The following SSH2 variants were observed in gnomAD, a reference collection of about 807,000 sequenced individuals.
The protein encoded by SSH2 is protein phosphatase Slingshot homolog 2.
A neutral mutation model predicts 135.2 loss-of-function variants in SSH2; 37 were observed. The observed-to-expected ratio is 0.27, with a 90% CI of 0.21 to 0.36. The LOEUF is 0.36. Among genes scored for constraint, SSH2 ranks in the 10% least tolerant of loss-of-function variants. The pLI, the probability that SSH2 is intolerant of heterozygous loss-of-function variation, is 1.00. For missense variants in SSH2, 1,408 were observed against 1,765.3 expected (o/e 0.80, Z 3.63); for synonymous variants, 628 against 646.2 (o/e 0.97, Z 0.43).
chr17:29,745,328 T>G (rs1468802262), intron 3 of SSH2, among the ~76,000 whole-genome samples: 1 of 151,966 alleles, frequency 6.6e-6, no homozygotes, highest in Non-Finnish European at 1.5e-5. Context: ...CCCGGCTAAT[T>G]TTTGTATTTT....
In SSH2 at chr17:29,650,743, A is replaced by T; in HGVS notation, c.1137T>A (p.Phe379Leu). The change falls in exon 13 of 16, where the codon TTT (phenylalanine) becomes TTA (leucine). Residue 379 changes from phenylalanine to leucine, a missense_variant. By Grantham distance (22) the Phe-to-Leu change is conservative. Transcript: ENST00000540801. ...CATATACCCGAATGTTATGATACTC[A>T]AAGACTCCTGGGAAGAAGTTATCTA... Reference protein sequence around the residue: ...REIDNFFPGVFEYHNIRVYDE... With the variant: ...REIDNFFPGVLEYHNIRVYDE... 1 of 1,613,994 alleles carries T rather than the reference A, an allele frequency of 6.2e-7. No individual in the cohort carries two copies. Among genetic ancestry groups the T allele is most frequent in the Non-Finnish European group, 8.5e-7 (1 of 1,179,928 alleles).
In SSH2 at chr17:29,716,090, G is replaced by A. The variant is rs117383549; in HGVS notation, c.189-13028C>T. On this transcript the variant is annotated intron_variant, in intron 3 of 15. Coordinates refer to ENST00000540801, the MANE Select transcript of SSH2 (RefSeq NM_001282129.2). The stretch of plus-strand genomic sequence containing the variant: ...GACTTATCTCCTTTCTCCAATCTGA[G>A]AGAATGATGTGACCTATGTCCTTGG... 9.4e-4 allele frequency among the ~76,000 whole-genome samples: 143 copies of A among 152,202 alleles called. 3 individuals are homozygous for A. In the East Asian group the frequency reaches 0.022, roughly 23 times the overall value.
chr17:29,913,347 A>AAAAATTATATATAT lies in SSH2; in HGVS notation c.63+16590_63+16591insATATATATAATTTT. Among the ~76,000 whole-genome samples the AAAAATTATATATAT allele has an allele frequency of 5.2e-4, 15 of 28,786 alleles. 1 individual carries two copies. The highest frequency in any genetic ancestry group is 2.2e-3 in the East Asian group (1 of 450). The allele number at this position is 28,786 out of a possible 152,430, so 18.9% of individuals were successfully genotyped here. A position where few individuals can be genotyped will look rare whatever the true frequency, so the allele number is the denominator to read the frequency against. ...AAAAAAAAAAAAAAAAAAAAAAAAA[A>AAAAATTATATATAT]ATATATATATATATATATATATATA... On this transcript the variant is annotated intron_variant, in intron 1 of 15. Transcript: ENST00000540801.
At chr17:29,820,031 A>G (rs2042625823) in intron 2 of SSH2, among the ~76,000 whole-genome samples, 1 of 152,194 alleles carries the variant, frequency 6.6e-6, no homozygotes, top group African/African-American at 2.4e-5. Context: ...TCTACTTTTT[A>G]AATTCTAAAT....
At chr17:29,761,001 C>A (rs1367659644) in intron 3 of SSH2, 3 of 756,004 alleles carry the variant, frequency 4.0e-6, no homozygotes, top group Non-Finnish European at 5.7e-6. Context: ...CAGCATCCTT[C>A]CCTCCAGACG....
intron 14 of SSH2, among the ~76,000 whole-genome samples, chr17:29,642,201 G>A (rs2036190927): frequency 6.6e-6 from 1 of 152,042 alleles, no homozygotes; most frequent in Non-Finnish European, 1.5e-5. Context: ...GTTGCCTACT[G>A]CCAGCTGACC....
intron 4 of SSH2, among the ~76,000 whole-genome samples, chr17:29,697,448 G>A (rs926354038): frequency 6.6e-6 from 1 of 152,118 alleles, no homozygotes; most frequent in Non-Finnish European, 1.5e-5. Context: ...GTTGGCAAAC[G>A]GGTTGGTGCG....
chr17:29,796,321 T>C (rs1033698030), intron 2 of SSH2, among the ~76,000 whole-genome samples: 2 of 152,180 alleles, frequency 1.3e-5, no homozygotes, highest in African/African-American at 4.8e-5. Context: ...ATATCTACCA[T>C]CTAGATTGTA....
intron 3 of SSH2, among the ~76,000 whole-genome samples, chr17:29,708,755 T>C (rs1048554462): frequency 6.6e-6 from 1 of 151,502 alleles, no homozygotes; most frequent in African/African-American, 2.4e-5. Flanking sequence ...CTAAGTTAAA[T>C]ATAACCCCGA....
chr17:29,641,593 A>C (rs2036162734), intron 14 of SSH2: 1 of 152,218 alleles, frequency 6.6e-6, no homozygotes, highest in African/African-American at 2.4e-5. Flanking sequence ...AACAAGAGGA[A>C]ATTTTATTTT....
At position 29,719,761 on chromosome 17, in the gene SSH2, T is replaced by A. The variant is rs1455089962; in HGVS notation, c.189-16699A>T. Among the ~76,000 whole-genome samples, 3 of 152,286 alleles carry A rather than the reference T, an allele frequency of 2.0e-5. No homozygotes were observed. In the East Asian group the frequency reaches 5.8e-4, roughly 29 times the overall value. On this transcript the variant is annotated intron_variant, in intron 3 of 15. Coordinates refer to ENST00000540801, the MANE Select transcript of SSH2 (RefSeq NM_001282129.2). Reference sequence around the variant, plus strand: ...GAGTCAAAATGTAGGCTTCTTTTCTTTTCTTCTTTTTTGAGACAGAGTTTT... The same window carrying A: ...GAGTCAAAATGTAGGCTTCTTTTCTATTCTTCTTTTTTGAGACAGAGTTTT...
chr17:29,761,883 A>AT lies in SSH2; in HGVS notation c.188+32010dup, dbSNP rs1345354010. ...TGTGTGTGTGTGTGTATATATATAT[A>AT]TATATTTTTTTTTGAGATGGAGTTT... On this transcript the variant is annotated intron_variant, in intron 3 of 15. Transcript: ENST00000540801. Among the ~76,000 whole-genome samples, 407 of 129,152 alleles carry AT rather than the reference A, an allele frequency of 3.2e-3. 5 individuals are homozygous for AT. The highest frequency in any genetic ancestry group is 7.0e-3 in the African/African-American group (235 of 33,476). The allele number at this position is 129,152 out of a possible 152,430, so 84.7% of individuals were successfully genotyped here.
Position 29,632,263 on chromosome 17 carries a change from C to G in SSH2, c.2931G>C (p.Gln977His). ...CCCTGGGAGCTGGAACAGTGGCATT[C>G]TGCTCAGAATGGGACAGTGAGCCAG... ...SEAGSLSHSE[Q>H]NATVPAPRVL... The change falls in exon 16 of 16, where the codon CAG (glutamine) becomes CAC (histidine). Residue 977 changes from glutamine (Q) to histidine (H), a missense_variant. Gln to His is a conservative substitution (Grantham distance 24). This residue lies in a region of SSH2 where 1,080 missense variants were observed against 1,144.5 expected (regional missense o/e 0.94). Transcript: ENST00000540801. The G allele has an allele frequency of 2.5e-6, 4 of 1,614,130 alleles. No individual in the cohort carries two copies. The highest frequency in any genetic ancestry group is 2.5e-6 in the Non-Finnish European group (3 of 1,180,008).
intron 3 of SSH2, among the ~76,000 whole-genome samples, chr17:29,705,107 T>C (rs1273208474): frequency 6.6e-6 from 1 of 152,192 alleles, no homozygotes; most frequent in Non-Finnish European, 1.5e-5. Context: ...GCAAAACACC[T>C]AATAGTCATC....
chr17:29,667,558 A>G (rs894609772), intron 9 of SSH2, among the ~76,000 whole-genome samples: 23 of 152,164 alleles, frequency 1.5e-4, no homozygotes, highest in Admixed American at 1.4e-3. Flanking sequence ...TGTGCTCCTT[A>G]TGAGAAGCTA....
chr17:29,662,061 A>C (rs868438413), intron 11 of SSH2, among the ~76,000 whole-genome samples: 15 of 152,202 alleles, frequency 9.9e-5, no homozygotes, highest in African/African-American at 3.4e-4. Context: ...ATGGTGACGT[A>C]ATTCTACCAG....
chr17:29,908,930 A>AC (rs2066711718), intron 1 of SSH2, among the ~76,000 whole-genome samples: 2 of 151,752 alleles, frequency 1.3e-5, no homozygotes, highest in Non-Finnish European at 2.9e-5. Context: ...TAAAAAAATT[A>AC]CCCAGGCGTG....
chr17:29,855,100 T>A (rs1310140467), intron 1 of SSH2, among the ~76,000 whole-genome samples: 2 of 152,242 alleles, frequency 1.3e-5, no homozygotes, highest in Non-Finnish European at 2.9e-5. Flanking sequence ...CCTCTTTCCT[T>A]TTTTCCTCCA....
chr17:29,697,695 G>A (rs538951966), intron 4 of SSH2, among the ~76,000 whole-genome samples: 1 of 152,010 alleles, frequency 6.6e-6, no homozygotes, highest in African/African-American at 2.4e-5. Flanking sequence ...AACCAAAAAG[G>A]ATGGTTTTCA....
Sources: gnomAD v4.1 joint callset for allele counts (sites outside exome capture counted in the v4.1 genomes callset) on GRCh38, gnomAD v4.1.1 for gene constraint, gnomAD v4.1.1 regional missense constraint, MANE v1.5 for transcripts, NCBI Gene and HGNC (gene_info 2026-07-23, HGNC 2026-07-21) for gene names.